Variants in CDK6 observed in about 807,000 individuals in gnomAD.
CDK6 encodes cyclin-dependent kinase 6.
CDK6 carries 6 observed loss-of-function variants against 37.1 expected under a neutral mutation model. The observed-to-expected ratio is 0.16, with a 90% CI of 0.09 to 0.32. The LOEUF is 0.32. Among genes scored for constraint, CDK6 ranks in the 10% least tolerant of loss-of-function variants. CDK6 has a pLI of 1.00. For synonymous variants in CDK6, 160 were observed against 161.3 expected (o/e 0.99, Z 0.06); for missense variants, 224 against 418.9 (o/e 0.53, Z 4.06).
Position 92,778,946 on chromosome 7 carries a change from T to TATATATATATATATATATATATATAAAA in CDK6, c.234-4116_234-4115insTTTTATATATATATATATATATATATAT, listed in dbSNP as rs1479181745. Among the ~76,000 whole-genome samples the TATATATATATATATATATATATATAAAA allele has an allele frequency of 5.0e-4, 68 of 134,970 alleles. 1 individual carries two copies. The highest frequency in any genetic ancestry group is 1.5e-3 in the African/African-American group (50 of 33,524). The allele number at this position is 134,970 out of a possible 152,430, so 88.5% of individuals were successfully genotyped here. ...TATCATATATATATATATATATATA[T>TATATATATATATATATATATATATAAAA]AAGATATTATAGTAATTTCCAAAAG... On this transcript the variant is annotated intron_variant, in intron 2 of 7. Coordinates refer to ENST00000424848, the MANE Select transcript of CDK6 (RefSeq NM_001145306.2).
At chr7:92,686,965 G>T (rs1270278818) in intron 4 of CDK6, among the ~76,000 whole-genome samples, 1 of 152,066 alleles carries the variant, frequency 6.6e-6, no homozygotes, top group Non-Finnish European at 1.5e-5. Context: ...TTTTTCAAAG[G>T]AATGTTTGTG....
chr7:92,789,257 T>G (rs1172703338), intron 2 of CDK6, among the ~76,000 whole-genome samples: 1 of 152,124 alleles, frequency 6.6e-6, no homozygotes, highest in African/African-American at 2.4e-5. Flanking sequence ...CTGAGGGAGT[T>G]TTTTGCCAAT....
chr7:92,717,433 A>G (rs1457273677), intron 4 of CDK6, among the ~76,000 whole-genome samples: 1 of 150,412 alleles, frequency 6.6e-6, no homozygotes, highest in African/African-American at 2.5e-5. Flanking sequence ...GAGGGAGGGA[A>G]GGAAGAAAGG....
intron 4 of CDK6, among the ~76,000 whole-genome samples, chr7:92,672,196 C>G (rs1435422884): frequency 3.6e-5 from 4 of 112,628 alleles, no homozygotes; most frequent in South Asian, 3.3e-4. Context: ...CACATACACA[C>G]ACACACACAC....
chr7:92,743,478 G>A (rs560414904), intron 3 of CDK6, among the ~76,000 whole-genome samples: 2 of 151,732 alleles, frequency 1.3e-5, no homozygotes, highest in African/African-American at 4.8e-5. Context: ...GCGAAATTCT[G>A]TCTCAAAAAA....
chr7:92,743,228 T>C (rs1479792149), intron 3 of CDK6, among the ~76,000 whole-genome samples: 1 of 151,476 alleles, frequency 6.6e-6, no homozygotes, highest in Non-Finnish European at 1.5e-5. Flanking sequence ...ATACAAAAAT[T>C]AGCTGGGCGT....
intron 4 of CDK6, among the ~76,000 whole-genome samples, chr7:92,706,858 G>A (rs768199802): frequency 5.9e-5 from 9 of 152,150 alleles, no homozygotes; most frequent in Non-Finnish European, 8.8e-5. Flanking sequence ...TCCTGTATTC[G>A]AAGAATAGAT....
chr7:92,669,894 A>G (rs974512322), intron 5 of CDK6, among the ~76,000 whole-genome samples: 1 of 152,216 alleles, frequency 6.6e-6, no homozygotes, highest in Non-Finnish European at 1.5e-5. Context: ...TCCCAGCCCA[A>G]GAACTTCTGA....
intron 5 of CDK6, among the ~76,000 whole-genome samples, chr7:92,635,413 T>A (rs1796147425): frequency 6.6e-6 from 1 of 152,108 alleles, no homozygotes; most frequent in Non-Finnish European, 1.5e-5. Context: ...AATCCCAGAG[T>A]GCAGGCAGGC....
intron 2 of CDK6, among the ~76,000 whole-genome samples, chr7:92,807,164 T>C (rs1453688767): frequency 1.3e-5 from 2 of 152,204 alleles, no homozygotes; most frequent in African/African-American, 4.8e-5. Flanking sequence ...TTTTGCCATA[T>C]GAATTTTTAC....
chr7:92,631,340 A>G (rs1158947929), intron 5 of CDK6, among the ~76,000 whole-genome samples: 1 of 152,188 alleles, frequency 6.6e-6, no homozygotes, highest in Non-Finnish European at 1.5e-5. Context: ...GCTGTAGAAG[A>G]CAGAATTTTT....
chr7:92,741,235 G>A (rs1296725034), intron 3 of CDK6, among the ~76,000 whole-genome samples: 1 of 152,190 alleles, frequency 6.6e-6, no homozygotes, highest in Admixed American at 6.5e-5. Flanking sequence ...TATACAGCTT[G>A]ATTCTATTCT....
At chr7:92,749,602 C>T (rs1296258434) in intron 3 of CDK6, among the ~76,000 whole-genome samples, 6 of 152,222 alleles carry the variant, frequency 3.9e-5, no homozygotes, top group African/African-American at 1.4e-4. Flanking sequence ...ATCACATGTA[C>T]ATTTTTGATC....
At position 92,614,043 on chromosome 7, in the gene CDK6, C is replaced by G. The variant is rs1313113815; in HGVS notation, c.*1097G>C. 4.3e-6 allele frequency: 1 copy of G among 233,102 alleles called. No homozygotes were observed. The highest frequency in any genetic ancestry group is 8.5e-6 in the Non-Finnish European group (1 of 118,022). 14.4% of individuals were successfully genotyped at this position (233,102 alleles called of 1,614,324 possible). ...ATAGACAAGATGGATACTTTGCCAA[C>G]AAGGCAGTGTGTGGCAGAAAGTACA... On this transcript the variant is annotated 3_prime_UTR_variant, in exon 8 of 8. Coordinates refer to ENST00000424848, the MANE Select transcript of CDK6 (RefSeq NM_001145306.2).
In CDK6 at chr7:92,712,444, GA is replaced by G. The variant is rs530847366; in HGVS notation, c.537+13181del. ...TACTTGAGAACTACAATCGACTATT[GA>G]AAAAATTTGATGCCTTTAAAAACAG... On this transcript the variant is annotated intron_variant, in intron 4 of 7. Transcript: ENST00000424848. Among the ~76,000 whole-genome samples the G allele has an allele frequency of 1.3e-3, 192 of 152,176 alleles. 1 individual carries two copies. The highest frequency in any genetic ancestry group is 4.5e-3 in the African/African-American group (185 of 41,514).
At chr7:92,727,805 G>A (rs1265479711) in intron 3 of CDK6, among the ~76,000 whole-genome samples, 2 of 152,158 alleles carry the variant, frequency 1.3e-5, no homozygotes, top group Non-Finnish European at 2.9e-5. Flanking sequence ...GACTTGAGAA[G>A]CACTGCAGGT....
At chr7:92,771,770 G>C (rs1799724515) in intron 3 of CDK6, among the ~76,000 whole-genome samples, 1 of 152,098 alleles carries the variant, frequency 6.6e-6, no homozygotes, top group South Asian at 2.1e-4. Flanking sequence ...TATTCCAACA[G>C]AGCATTCTAT....
Position 92,833,658 on chromosome 7 carries a change from G to A in CDK6, c.-335C>T, listed in dbSNP as rs1801561580. 1 of 483,074 alleles carries A rather than the reference G, an allele frequency of 2.1e-6. No homozygotes were observed. The highest frequency in any genetic ancestry group is 2.0e-5 in the African/African-American group (1 of 48,926). The allele number at this position is 483,074 out of a possible 1,614,324, so 29.9% of individuals were successfully genotyped here. ...ACACAGACACGATTACATAGCCTCT[G>A]CCCAAGCGCGTCTCAGTCCAGAATC... On this transcript the variant is annotated 5_prime_UTR_variant, in exon 2 of 8. Transcript: ENST00000424848. The surrounding 1 kb of genome is among the most constrained non-coding windows in gnomAD (Gnocchi z 6.1).
intron 2 of CDK6, among the ~76,000 whole-genome samples, chr7:92,795,878 C>T (rs1800395589): frequency 6.6e-6 from 1 of 152,108 alleles, no homozygotes; most frequent in Admixed American, 6.6e-5. Context: ...AAGTACATCT[C>T]TGTTAATGTC....
Sources: gnomAD v4.1 joint callset for allele counts (sites outside exome capture counted in the v4.1 genomes callset) on GRCh38, gnomAD v4.1.1 for gene constraint, Gnocchi (gnomAD v3.1) non-coding constraint, MANE v1.5 for transcripts, NCBI Gene and HGNC (gene_info 2026-07-23, HGNC 2026-07-21) for gene names.